LHFPL6: variants seen among roughly 807,000 people sequenced by gnomAD.
LHFPL6 encodes LHFPL tetraspan subfamily member 6 protein.
Under a neutral mutation model 20.6 loss-of-function variants are expected in LHFPL6, and 9 were observed. That is an observed-to-expected ratio of 0.44 (90% CI 0.26 to 0.76). LHFPL6 has a LOEUF of 0.76. Ranked by LOEUF, LHFPL6 falls within the 30% of genes least tolerant of loss-of-function variation. The pLI, the probability that LHFPL6 is intolerant of heterozygous loss-of-function variation, is 0.20. For missense variants in LHFPL6, 218 were observed against 253.5 expected (o/e 0.86, Z 0.95); for synonymous variants, 105 against 98.7 (o/e 1.06, Z -0.38).
At position 39,426,725 on chromosome 13, in the gene LHFPL6, C is replaced by T. The variant is rs138026640; in HGVS notation, c.386-48199G>A. Among the ~76,000 whole-genome samples, 1,383 of 152,172 alleles carry T rather than the reference C, an allele frequency of 9.1e-3. 22 individuals are homozygous for T. The highest frequency in any genetic ancestry group is 0.032 in the African/African-American group (1,309 of 41,506). The stretch of plus-strand genomic sequence containing the variant: ...ACGTACATAAAATAGTTTGCTTACC[C>T]TTAGAAATATTTTAGTGAAGATAAT... On this transcript the variant is annotated intron_variant, in intron 2 of 3. Transcript: ENST00000379589.
intron 2 of LHFPL6, among the ~76,000 whole-genome samples, chr13:39,456,460 A>G (rs1872572245): frequency 6.6e-6 from 1 of 152,230 alleles, no homozygotes; most frequent in Non-Finnish European, 1.5e-5. Flanking sequence ...ACCAAAAACA[A>G]TTCTTCACAA....
chr13:39,519,533 A>C (rs1015479932), intron 2 of LHFPL6, among the ~76,000 whole-genome samples: 7 of 152,224 alleles, frequency 4.6e-5, no homozygotes, highest in Non-Finnish European at 7.3e-5. Flanking sequence ...CAGATCAATT[A>C]GACCAGGGAA....
intron 2 of LHFPL6, among the ~76,000 whole-genome samples, chr13:39,475,572 G>A (rs1873065266): frequency 6.6e-6 from 1 of 152,106 alleles, no homozygotes; most frequent in Non-Finnish European, 1.5e-5. Context: ...AGCACATCTT[G>A]TAACAGACGA....
chr13:39,583,489 A>T (rs568723248), intron 2 of LHFPL6, among the ~76,000 whole-genome samples: 2 of 152,264 alleles, frequency 1.3e-5, no homozygotes, highest in South Asian at 4.2e-4. Context: ...GCAAAACTCT[A>T]ACAGTTGTAC....
At chr13:39,477,150 C>T (rs1278120681) in intron 2 of LHFPL6, among the ~76,000 whole-genome samples, 1 of 152,128 alleles carries the variant, frequency 6.6e-6, no homozygotes, top group African/African-American at 2.4e-5. Context: ...TTACCTCCCC[C>T]AGGTCCCTCT....
intron 2 of LHFPL6, among the ~76,000 whole-genome samples, chr13:39,408,697 G>T (rs920475026): frequency 1.3e-5 from 2 of 152,200 alleles, no homozygotes; most frequent in African/African-American, 2.4e-5. Context: ...AATATAAGCG[G>T]ACCATGGAAA....
intron 2 of LHFPL6, among the ~76,000 whole-genome samples, chr13:39,421,704 G>A (rs991839072): frequency 6.6e-6 from 1 of 152,148 alleles, no homozygotes; most frequent in Non-Finnish European, 1.5e-5. Flanking sequence ...ATTCACAGCT[G>A]TCATCTGTTT....
chr13:39,426,930 T>G (rs1400223290), intron 2 of LHFPL6, among the ~76,000 whole-genome samples: 1 of 152,156 alleles, frequency 6.6e-6, no homozygotes, highest in Non-Finnish European at 1.5e-5. Context: ...GGTTAATTTT[T>G]GTATATGCTG....
At chr13:39,507,516 G>A (rs1593340577) in intron 2 of LHFPL6, among the ~76,000 whole-genome samples, 1 of 152,174 alleles carries the variant, frequency 6.6e-6, no homozygotes, top group African/African-American at 2.4e-5. Flanking sequence ...GTATCTGCTT[G>A]TCAAATACCA....
intron 2 of LHFPL6, among the ~76,000 whole-genome samples, chr13:39,486,092 C>T (rs923177491): frequency 6.6e-6 from 1 of 152,146 alleles, no homozygotes; most frequent in East Asian, 1.9e-4. Context: ...GACCCCAAAC[C>T]CACTCCACAC....
At chr13:39,454,368 G>T in intron 2 of LHFPL6, among the ~76,000 whole-genome samples, 1 of 101,032 alleles carries the variant, frequency 9.9e-6, no homozygotes, top group Admixed American at 9.3e-5. Flanking sequence ...GGTGGCTCAC[G>T]CCTGTAATCC....
intron 2 of LHFPL6, among the ~76,000 whole-genome samples, chr13:39,569,906 G>A (rs962781919): frequency 2.0e-5 from 3 of 152,166 alleles, no homozygotes; most frequent in Non-Finnish European, 2.9e-5. Context: ...AACAACTTTT[G>A]GAGTCTTTAA....
At chr13:39,427,696 A>G (rs992426564) in intron 2 of LHFPL6, among the ~76,000 whole-genome samples, 4 of 152,160 alleles carry the variant, frequency 2.6e-5, no homozygotes, top group African/African-American at 9.7e-5. Context: ...AGTGTAACGA[A>G]ATTTGGCACT....
In LHFPL6 at chr13:39,479,030, T is replaced by TAG. The variant is rs1566120746; in HGVS notation, c.386-100506_386-100505dup. ...TATATAATGAAGCACCAATGGGAGA[T>TAG]AGATATAGATAGATAGATAGATAGA... On this transcript the variant is annotated intron_variant, in intron 2 of 3. Transcript: ENST00000379589. 1.6e-3 allele frequency among the ~76,000 whole-genome samples: 206 copies of TAG among 127,954 alleles called. 1 individual carries two copies. Among genetic ancestry groups the TAG allele is most frequent in the African/African-American group, 5.4e-3 (190 of 34,938 alleles). 83.9% of individuals were successfully genotyped at this position (127,954 alleles called of 152,430 possible).
chr13:39,343,466 G>A lies in LHFPL6; in HGVS notation c.*470C>T, dbSNP rs767297053. ...GTGCTTGTGTGCTTTTGGGAGTGCC[G>A]TGACCTACAGGGAACATCTTTGGGG... On this transcript the variant is annotated 3_prime_UTR_variant, in exon 4 of 4. Transcript: ENST00000379589. 12 of 232,528 alleles carry A rather than the reference G, an allele frequency of 5.2e-5. No homozygotes were observed. In the East Asian group the frequency reaches 6.1e-4, roughly 12 times the overall value. The allele number at this position is 232,528 out of a possible 1,614,324, so 14.4% of individuals were successfully genotyped here. A position where few individuals can be genotyped will look rare whatever the true frequency, so the allele number is the denominator to read the frequency against.
chr13:39,388,239 C>T (rs1870618275), intron 2 of LHFPL6, among the ~76,000 whole-genome samples: 1 of 152,114 alleles, frequency 6.6e-6, no homozygotes, highest in Non-Finnish European at 1.5e-5. Context: ...AAAATGGTGC[C>T]TTGATTCTCA....
At chr13:39,516,443 A>G (rs1869920893) in intron 2 of LHFPL6, among the ~76,000 whole-genome samples, 1 of 152,244 alleles carries the variant, frequency 6.6e-6, no homozygotes, top group South Asian at 2.1e-4. Flanking sequence ...TGCATCTGCC[A>G]TGCAGGAGAT....
intron 2 of LHFPL6, among the ~76,000 whole-genome samples, chr13:39,466,287 A>G (rs1304834767): frequency 1.3e-5 from 2 of 152,222 alleles, no homozygotes; most frequent in Non-Finnish European, 2.9e-5. Context: ...AAAATGGAAC[A>G]CTAAGGCACA....
At chr13:39,470,425 C>G (rs138412308) in intron 2 of LHFPL6, among the ~76,000 whole-genome samples, 10 of 151,788 alleles carry the variant, frequency 6.6e-5, no homozygotes, top group Non-Finnish European at 1.3e-4. Flanking sequence ...AGTTTTTATA[C>G]GGTAATTAAA....
Sources: allele counts gnomAD v4.1 joint callset (sites outside exome capture counted in the v4.1 genomes callset), GRCh38; gene constraint gnomAD v4.1.1; transcripts MANE v1.5; gene names NCBI Gene and HGNC (gene_info 2026-07-23, HGNC 2026-07-21).